Variants in SNX29 observed in about 807,000 individuals in gnomAD.
SNX29 encodes the protein sorting nexin 29.
SNX29 carries 78 observed loss-of-function variants against 102.1 expected under a neutral mutation model. That is an observed-to-expected ratio of 0.76 (90% CI 0.64 to 0.92). SNX29 has a LOEUF of 0.92. Ranked by LOEUF, SNX29 falls within the 40% of genes least tolerant of loss-of-function variation. The pLI, the probability that SNX29 is intolerant of heterozygous loss-of-function variation, is 0.00. For missense variants in SNX29, 1,280 were observed against 1,061.7 expected (o/e 1.21, Z -2.86); for synonymous variants, 580 against 414.5 (o/e 1.40, Z -4.85).
chr16:12,464,179 C>T (rs2086945262), intron 18 of SNX29, among the ~76,000 whole-genome samples: 1 of 150,564 alleles, frequency 6.6e-6, no homozygotes, highest in Non-Finnish European at 1.5e-5. Context: ...TCCATGTTGT[C>T]ACAAATGACA....
chr16:12,297,392 T>G (rs1311527077), intron 15 of SNX29: 1 of 152,282 alleles, frequency 6.6e-6, no homozygotes, highest in Non-Finnish European at 1.5e-5. Flanking sequence ...GATTTTGTTT[T>G]TTTGTTTATT....
At chr16:12,376,736 C>CAAAA (rs71408262) in intron 16 of SNX29, among the ~76,000 whole-genome samples, 812 of 77,502 alleles carry the variant, frequency 0.01, 20 homozygotes, top group Middle Eastern at 0.02. Context: ...GACTCTGTCT[C>CAAAA]AAAAAAAAAA....
chr16:12,173,418 C>T (rs2076193253), intron 13 of SNX29, among the ~76,000 whole-genome samples: 1 of 152,172 alleles, frequency 6.6e-6, no homozygotes, highest in Non-Finnish European at 1.5e-5. Flanking sequence ...TAATGGCATG[C>T]CTGTGTTTCA....
intron 11 of SNX29, among the ~76,000 whole-genome samples, chr16:12,101,218 A>G (rs999973099): frequency 3.8e-4 from 56 of 146,200 alleles, no homozygotes; most frequent in African/African-American, 1.4e-3. Flanking sequence ...GGAGCAGCCT[A>G]TTTTGTTCTC....
chr16:12,490,079 T>G (rs1460704205), intron 19 of SNX29, among the ~76,000 whole-genome samples: 1 of 152,226 alleles, frequency 6.6e-6, no homozygotes, highest in East Asian at 1.9e-4. Flanking sequence ...GTGCTGGGAT[T>G]ACAGGCGTGA....
At chr16:12,336,951 C>T (rs1163721390) in intron 15 of SNX29, among the ~76,000 whole-genome samples, 1 of 152,064 alleles carries the variant, frequency 6.6e-6, no homozygotes, top group Non-Finnish European at 1.5e-5. Flanking sequence ...GTCTCAAAAA[C>T]AAACAAACAA....
intron 2 of SNX29, among the ~76,000 whole-genome samples, chr16:12,002,079 A>C (rs1329175154): frequency 6.6e-6 from 1 of 151,752 alleles, no homozygotes; most frequent in Non-Finnish European, 1.5e-5. Context: ...AACATTGTGA[A>C]TTGAAATTTA....
Position 12,300,808 on chromosome 16 carries a change from T to C in SNX29, c.1782+22772T>C, listed in dbSNP as rs146107115. On this transcript the variant is annotated intron_variant, in intron 15 of 20. Transcript: ENST00000566228. ...GTTTGCTGTGGGAGGCTGTTCCGCA[T>C]GTTGCAGGGTGTTTAGTGACATTGC... Among the ~76,000 whole-genome samples the C allele has an allele frequency of 2.6e-5, 4 of 152,308 alleles. No individual in the cohort carries two copies. The East Asian group carries it at 7.7e-4, about 29-fold the overall frequency.
At chr16:12,153,534 C>T (rs1430671530) in intron 13 of SNX29, among the ~76,000 whole-genome samples, 1 of 151,882 alleles carries the variant, frequency 6.6e-6, no homozygotes, top group East Asian at 1.9e-4. Flanking sequence ...AGTGCAGTGG[C>T]ATGACCTCAC....
rs1324334251 is a variant in SNX29 at position 12,572,891 on chromosome 16, A to G, written c.*4262A>G. On this transcript the variant is annotated 3_prime_UTR_variant, in exon 21 of 21. Coordinates refer to ENST00000566228, the MANE Select transcript of SNX29 (RefSeq NM_032167.5). ...ATGATTGTCTTGACTCTGCCTTGGC[A>G]TTTCGCTCGGAATCACGGCAGACTT... 9.5e-7 allele frequency: 1 copy of G among 1,047,936 alleles called. No individual in the cohort carries two copies. The allele number at this position is 1,047,936 out of a possible 1,614,324, so 64.9% of individuals were successfully genotyped here.
chr16:12,343,498 A>C (rs1022114847), intron 15 of SNX29, among the ~76,000 whole-genome samples: 1 of 152,318 alleles, frequency 6.6e-6, no homozygotes, highest in East Asian at 1.9e-4. Context: ...ATGGGAGCAG[A>C]TGAATGATGG....
At chr16:12,165,022 CTGTTCT>C (rs1369915985) in intron 13 of SNX29, among the ~76,000 whole-genome samples, 2 of 152,168 alleles carry the variant, frequency 1.3e-5, no homozygotes, top group Non-Finnish European at 2.9e-5. Flanking sequence ...TCTCCTGTGG[CTGTTCT>C]TGAATTTGCA....
intron 15 of SNX29, among the ~76,000 whole-genome samples, chr16:12,312,691 G>C (rs889197083): frequency 1.4e-3 from 1 of 724 alleles, no homozygotes; most frequent in Admixed American, 0.038. Flanking sequence ...TGGGACAGAG[G>C]GGGAAGAGCT....
At chr16:12,505,192 A>G (rs2089316640) in intron 19 of SNX29, among the ~76,000 whole-genome samples, 1 of 152,194 alleles carries the variant, frequency 6.6e-6, no homozygotes, top group Non-Finnish European at 1.5e-5. Flanking sequence ...ATTTCATTCC[A>G]TCTAGGAGTG....
At chr16:12,566,192 TACC>T (rs2078998181) in intron 20 of SNX29, among the ~76,000 whole-genome samples, 3 of 152,292 alleles carry the variant, frequency 2.0e-5, no homozygotes, top group South Asian at 4.1e-4. Flanking sequence ...CTTGAATCCT[TACC>T]ACCACAGTAC....
At chr16:12,297,927 T>C (rs2080036686) in intron 15 of SNX29, among the ~76,000 whole-genome samples, 2 of 152,166 alleles carry the variant, frequency 1.3e-5, no homozygotes, top group Non-Finnish European at 1.5e-5. Context: ...CCCAGCACTT[T>C]AGGAGGCCCA....
At chr16:12,056,937 T>G (rs1429055687) in intron 8 of SNX29, among the ~76,000 whole-genome samples, 1 of 146,272 alleles carries the variant, frequency 6.8e-6, no homozygotes, top group Admixed American at 7.0e-5. Context: ...TCTCCCTGCC[T>G]CAGCCTCCTG....
chr16:12,243,497 T>C (rs190813955), intron 14 of SNX29, among the ~76,000 whole-genome samples: 42 of 152,352 alleles, frequency 2.8e-4, no homozygotes, highest in Non-Finnish European at 4.6e-4. Flanking sequence ...GTGAGATTGT[T>C]AGCTAACTTT....
chr16:12,560,551 G>C (rs11639949), intron 20 of SNX29, among the ~76,000 whole-genome samples: 31,567 of 152,030 alleles, frequency 0.21, 3,431 homozygotes, highest in East Asian at 0.43. Flanking sequence ...TGGTTGAAAC[G>C]TTGCTCAGTG....
Sources: allele counts gnomAD v4.1 joint callset (sites outside exome capture counted in the v4.1 genomes callset), GRCh38; gene constraint gnomAD v4.1.1; transcripts MANE v1.5; gene names NCBI Gene and HGNC (gene_info 2026-07-23, HGNC 2026-07-21).